Variants in CEP162 observed in about 807,000 individuals in gnomAD.
CEP162 encodes the protein centrosomal protein of 162 kDa.
In CEP162, 141 loss-of-function variants were observed where a neutral mutation model predicts 169.2. The observed-to-expected ratio is 0.83, with a 90% CI of 0.73 to 0.96. CEP162 has a LOEUF of 0.96. CEP162 is among the 40% of genes least tolerant of loss of function. The pLI is 0.00. For synonymous variants in CEP162, 540 were observed against 526.4 expected, an observed-to-expected ratio of 1.03 and a Z score of -0.35; for missense variants, 1,600 against 1,587.2, an observed-to-expected ratio of 1.01 and a Z score of -0.14.
At chr6:84,130,334 T>C (rs1028426918) in intron 25 of CEP162, among the ~76,000 whole-genome samples, 2 of 152,190 alleles carry the variant, frequency 1.3e-5, no homozygotes, top group African/African-American at 2.4e-5. Flanking sequence ...TTGTTGTGTT[T>C]CTGCCAGGTT....
At chr6:84,168,174 G>A (rs1228673098) in intron 18 of CEP162, among the ~76,000 whole-genome samples, 1 of 152,064 alleles carries the variant, frequency 6.6e-6, no homozygotes, top group African/African-American at 2.4e-5. Flanking sequence ...TGCTATGCTT[G>A]AAACCTTACT....
intron 20 of CEP162, 30 bp from the exon 21 acceptor site, chr6:84,160,946 G>C (rs1024444434): frequency 7.1e-7 from 1 of 1,412,928 alleles, no homozygotes; most frequent in Admixed American, 1.7e-5. Context: ...ATGTTAAGAA[G>C]CATATGTAAA....
At chr6:84,207,722 A>G (rs2099547815) in intron 6 of CEP162, among the ~76,000 whole-genome samples, 1 of 151,976 alleles carries the variant, frequency 6.6e-6, no homozygotes, top group South Asian at 2.1e-4. Flanking sequence ...ATAAAAAAAA[A>G]AGAACTTTTT....
chr6:84,215,715 A>G, intron 4 of CEP162, 61 bp downstream of exon 4: 1 of 1,511,820 alleles, frequency 6.6e-7, no homozygotes, highest in Non-Finnish European at 8.9e-7. Context: ...TAATTTTTGT[A>G]ATTCTGAATA....
At chr6:84,204,547 C>T (rs2099545965) in intron 6 of CEP162, among the ~76,000 whole-genome samples, 1 of 152,156 alleles carries the variant, frequency 6.6e-6, no homozygotes, top group South Asian at 2.1e-4. Context: ...AAAGACACAA[C>T]ATACCAGAAT....
chr6:84,133,650 T>C (rs979003663), intron 25 of CEP162, among the ~76,000 whole-genome samples: 2 of 152,170 alleles, frequency 1.3e-5, no homozygotes, highest in African/African-American at 2.4e-5. Context: ...CTGTGGGCAT[T>C]GGACCCTCTG....
chr6:84,207,204 G>A lies in CEP162; in HGVS notation c.572-3108C>T, dbSNP rs555376215. Among the ~76,000 whole-genome samples, 13 of 152,234 alleles carry A rather than the reference G, an allele frequency of 8.5e-5. No individual in the cohort carries two copies. In the East Asian group the frequency reaches 1.7e-3, roughly 20 times the overall value. ...AACTAGAAATACCATTTGACCCAGC[G>A]ATCCCATTACTGGGTATATACCCAA... On this transcript the variant is annotated intron_variant, in intron 6 of 26. Coordinates refer to ENST00000403245, the MANE Select transcript of CEP162 (RefSeq NM_014895.4).
intron 13 of CEP162, among the ~76,000 whole-genome samples, chr6:84,180,123 G>C (rs2099534132): frequency 6.6e-6 from 1 of 152,154 alleles, no homozygotes; most frequent in South Asian, 2.1e-4. Context: ...GAATCCAGCA[G>C]CACATCAAAA....
chr6:84,188,755 T>A (rs2099538351), intron 11 of CEP162, among the ~76,000 whole-genome samples: 1 of 152,196 alleles, frequency 6.6e-6, no homozygotes, highest in Non-Finnish European at 1.5e-5. Context: ...TATCCAATGA[T>A]GAGATTGCCG....
chr6:84,200,880 A>G lies in CEP162; in HGVS notation c.744T>C (p.Ser248=), dbSNP rs1199005214. 2.5e-6 allele frequency: 4 copies of G among 1,608,104 alleles called. No individual in the cohort carries two copies. The highest frequency in any genetic ancestry group is 3.4e-6 in the Non-Finnish European group (4 of 1,175,092). ...GTTCATCAAGATTGACCTCTGCAACAGAGTCTAATGAATCAAGCAGCACAA... is the reference window on the plus strand; with the variant it reads ...GTTCATCAAGATTGACCTCTGCAACGGAGTCTAATGAATCAAGCAGCACAA... ...ANVVLLDSLD[S]VAEVNLDEQD... Residue 248 remains serine, a synonymous_variant, in exon 9 of 27, where the codon TCT becomes TCC. Transcript: ENST00000403245.
intron 9 of CEP162, among the ~76,000 whole-genome samples, chr6:84,199,870 T>A (rs1261193374): frequency 6.6e-6 from 1 of 152,226 alleles, no homozygotes; most frequent in African/African-American, 2.4e-5. Flanking sequence ...ACTGTCCTCA[T>A]CTATTTTATG....
At chr6:84,220,895 A>ACACAAAAC in intron 3 of CEP162, 162 bp downstream of exon 3, 1 of 439,396 alleles carries the variant, frequency 2.3e-6, no homozygotes, top group Admixed American at 4.1e-5. Flanking sequence ...CATAATAAAT[A>ACACAAAAC]CATAATAAAG....
At chr6:84,162,716 C>T (rs1311105083) in intron 19 of CEP162, among the ~76,000 whole-genome samples, 1 of 152,166 alleles carries the variant, frequency 6.6e-6, no homozygotes, top group African/African-American at 2.4e-5. Context: ...TCTTACCTTA[C>T]TCCCCTTGGT....
Position 84,133,670 on chromosome 6 carries a change from C to T in CEP162, c.3871-7158G>A, listed in dbSNP as rs56136442. Among the ~76,000 whole-genome samples the T allele has an allele frequency of 2.4e-3, 370 of 152,318 alleles. 3 individuals are homozygous for T. The highest frequency in any genetic ancestry group is 8.3e-3 in the African/African-American group (344 of 41,566). On this transcript the variant is annotated intron_variant, in intron 25 of 26. Transcript: ENST00000403245. ...GGCATTGGACCCTCTGAGCCATGCGCGGGATATAATGTCCTGGTGTGCTGT... is the reference window on the plus strand; with the variant it reads ...GGCATTGGACCCTCTGAGCCATGCGTGGGATATAATGTCCTGGTGTGCTGT...
rs762830418 is a variant in CEP162, at chr6:84,171,643, C to G, written c.2242G>C (p.Glu748Gln). Residue 748 changes from glutamate to glutamine, a missense_variant, in exon 17 of 27, where the codon GAA (glutamate) becomes CAA (glutamine). Transcript: ENST00000403245. Reference protein sequence around the residue: ...NKKNEERMFKENQSLFSEVAS... With the variant: ...NKKNEERMFKQNQSLFSEVAS... ...ACCTCACTGAATAAACTTTGGTTTT[C>G]CTTAAACATTCGCTCCTCATTTTTC... 6.5e-7 allele frequency: 1 copy of G among 1,548,662 alleles called. No individual in the cohort carries two copies. The highest frequency in any genetic ancestry group is 2.1e-5 in the Admixed American group (1 of 48,736).
intron 11 of CEP162, among the ~76,000 whole-genome samples, chr6:84,187,323 T>C (rs1052686756): frequency 6.6e-6 from 1 of 152,210 alleles, no homozygotes; most frequent in Non-Finnish European, 1.5e-5. Flanking sequence ...TCTTAAAATA[T>C]TTAATCGTGT....
At chr6:84,217,060 G>A (rs913068344) in intron 3 of CEP162, among the ~76,000 whole-genome samples, 5 of 152,084 alleles carry the variant, frequency 3.3e-5, no homozygotes, top group Non-Finnish European at 7.3e-5. Flanking sequence ...ATACAATGAA[G>A]TCCTTTACCA....
At chr6:84,177,096 TC>T (rs1479742081) in intron 13 of CEP162, among the ~76,000 whole-genome samples, 3 of 152,196 alleles carry the variant, frequency 2.0e-5, no homozygotes, top group African/African-American at 7.2e-5. Flanking sequence ...ACAAGACATC[TC>T]AATTCAGACT....
At chr6:84,215,489 T>C in intron 4 of CEP162, 24 bp from the exon 5 acceptor site, 1 of 1,489,804 alleles carries the variant, frequency 6.7e-7, no homozygotes, top group Admixed American at 2.3e-5. Context: ...ACAAATATAT[T>C]TTAGTAATAT....
Sources: gnomAD v4.1 joint callset for allele counts (sites outside exome capture counted in the v4.1 genomes callset) on GRCh38, gnomAD v4.1.1 for gene constraint, MANE v1.5 for transcripts, NCBI Gene and HGNC (gene_info 2026-07-23, HGNC 2026-07-21) for gene names.